Variants in PCDHAC1 observed in about 807,000 individuals in gnomAD.
PCDHAC1 encodes the protein protocadherin alpha-C1.
Under a neutral mutation model 60.0 loss-of-function variants are expected in PCDHAC1, and 42 were observed. The ratio of observed to expected loss-of-function variants is 0.70; its 90% CI spans 0.55 to 0.90. The LOEUF (loss-of-function observed/expected upper bound fraction) is 0.90. Ranked by LOEUF, PCDHAC1 falls within the 40% of genes least tolerant of loss-of-function variation. The probability of loss-of-function intolerance (pLI) is 0.00; values close to 1 mark genes in which losing one functional copy is unlikely to be tolerated. For synonymous variants in PCDHAC1, 468 were observed against 499.3 expected, an observed-to-expected ratio of 0.94 and a Z score of 0.84; for missense variants, 1,160 against 1,222.3, an observed-to-expected ratio of 0.95 and a Z score of 0.76.
rs782212623 is a variant in PCDHAC1 at position 140,927,250 on chromosome 5, A to G, written c.358A>G (p.Asn120Asp). The change falls in exon 1 of 4, where the codon AAC becomes GAC. Residue 120 changes from asparagine (N) to aspartate (D), a missense_variant. This residue lies in a region of PCDHAC1 where 1,113 missense variants were observed against 1,163.7 expected (regional missense o/e 0.96). Coordinates refer to ENST00000253807, the MANE Select transcript of PCDHAC1 (RefSeq NM_018898.5). ...GATTCACGTCCTGGACACCAATGACAACTCACCTCTCTTTCCTGCCGGCGA... is the reference window on the plus strand; with the variant it reads ...GATTCACGTCCTGGACACCAATGACGACTCACCTCTCTTTCCTGCCGGCGA... The part of the protein sequence containing the change: ...IRIHVLDTND[N>D]SPLFPAGDVQ... 1.9e-6 allele frequency: 3 copies of G among 1,614,046 alleles called. 1 individual carries two copies. The highest frequency in any genetic ancestry group is 2.5e-6 in the Non-Finnish European group (3 of 1,180,004).
rs79336587 is a variant in PCDHAC1 at position 140,997,550 on chromosome 5, C to T, written c.2582-12077C>T. Reference sequence around the variant, plus strand: ...ATAAAAATACATTATTATAATCTTACAGGACAACTGTCATATGTGTGGTCC... The same window carrying T: ...ATAAAAATACATTATTATAATCTTATAGGACAACTGTCATATGTGTGGTCC... On this transcript the variant is annotated intron_variant, in intron 3 of 3. Coordinates refer to ENST00000253807, the MANE Select transcript of PCDHAC1 (RefSeq NM_018898.5). Among the ~76,000 whole-genome samples, 1,283 of 152,208 alleles carry T rather than the reference C, an allele frequency of 8.4e-3. 21 individuals carry two copies. The highest frequency in any genetic ancestry group is 0.029 in the African/African-American group (1,211 of 41,522).
rs1554206582 is a variant in PCDHAC1 at position 140,929,014 on chromosome 5, C to T, written c.2122C>T (p.His708Tyr). The T allele has an allele frequency of 3.1e-6, 5 of 1,614,110 alleles. No individual in the cohort carries two copies. The highest frequency in any genetic ancestry group is 4.2e-6 in the Non-Finnish European group (5 of 1,180,022). ...CLLFFVCTKL[H>Y]QSPGCCAQSC... is the part of the protein sequence containing the mutation. ...ACTTTTCTTCGTGTGTACCAAGTTG[C>T]ACCAGAGCCCAGGCTGTTGCGCTCA... Residue 708 changes from histidine to tyrosine, a missense_variant, in exon 1 of 4, where the codon CAC becomes TAC. Physicochemically the swap from His to Tyr is moderately conservative, Grantham distance 83. Around this residue, in one of 3 missense-constraint regions of PCDHAC1, gnomAD observed 1,113 missense variants for 1,163.7 expected, o/e 0.96. Coordinates refer to ENST00000253807, the MANE Select transcript of PCDHAC1 (RefSeq NM_018898.5).
At chr5:140,982,694 A>G in intron 3 of PCDHAC1, 131 bp downstream of exon 3, 1 of 1,402,998 alleles carries the variant, frequency 7.1e-7, no homozygotes, top group Non-Finnish European at 9.4e-7. Flanking sequence ...TTCCATACAT[A>G]CATGATTTCC....
intron 1 of PCDHAC1, among the ~76,000 whole-genome samples, chr5:140,958,131 G>A (rs1164407997): frequency 3.9e-5 from 6 of 152,076 alleles, no homozygotes; most frequent in African/African-American, 1.4e-4. Context: ...AAATGTATCA[G>A]TGTGTATATT....
At chr5:140,936,630 T>C (rs1309907947) in intron 1 of PCDHAC1, among the ~76,000 whole-genome samples, 1 of 152,234 alleles carries the variant, frequency 6.6e-6, no homozygotes, top group Non-Finnish European at 1.5e-5. Context: ...GCTACCTTTG[T>C]CATAAGCAAC....
At chr5:140,937,839 A>G (rs2091791639) in intron 1 of PCDHAC1, among the ~76,000 whole-genome samples, 1 of 150,456 alleles carries the variant, frequency 6.6e-6, no homozygotes, top group Non-Finnish European at 1.5e-5. Flanking sequence ...ATGAACCTGG[A>G]AGGCGGAACT....
At chr5:140,943,278 G>A (rs246067) in intron 1 of PCDHAC1, among the ~76,000 whole-genome samples, 37,737 of 121,894 alleles carry the variant, frequency 0.31, 6,744 homozygotes, top group East Asian at 0.43. Flanking sequence ...AAAAAAAAAA[G>A]AAAGAAAGAA....
At chr5:141,005,478 C>T (rs1021420332) in intron 3 of PCDHAC1, among the ~76,000 whole-genome samples, 8 of 151,550 alleles carry the variant, frequency 5.3e-5, no homozygotes, top group East Asian at 3.9e-4. Context: ...CCGAGACGGG[C>T]GGATCATGAG....
intron 1 of PCDHAC1, among the ~76,000 whole-genome samples, chr5:140,949,671 G>A (rs1316716969): frequency 6.6e-6 from 1 of 151,584 alleles, no homozygotes. Context: ...TTTAAAGTAT[G>A]CCCTTGTTGA....
intron 1 of PCDHAC1, chr5:140,929,696 A>G (rs955159626): frequency 2.6e-5 from 7 of 266,458 alleles, no homozygotes; most frequent in African/African-American, 1.3e-4. Flanking sequence ...TCTGCTTTAT[A>G]TGAATATAAT....
At chr5:140,957,109 T>C (rs2095334016) in intron 1 of PCDHAC1, among the ~76,000 whole-genome samples, 1 of 152,174 alleles carries the variant, frequency 6.6e-6, no homozygotes, top group Non-Finnish European at 1.5e-5. Context: ...ATGGACATGA[T>C]TCTGTGTGTT....
At chr5:141,008,502 G>A (rs539439181) in intron 3 of PCDHAC1, among the ~76,000 whole-genome samples, 2 of 152,110 alleles carry the variant, frequency 1.3e-5, no homozygotes, top group South Asian at 4.2e-4. Context: ...TATACTTTAT[G>A]GTGTGTCTTC....
intron 3 of PCDHAC1, among the ~76,000 whole-genome samples, chr5:140,995,413 C>T (rs1554254672): frequency 6.6e-6 from 1 of 152,176 alleles, no homozygotes; most frequent in East Asian, 1.9e-4. Flanking sequence ...GATTTCATCA[C>T]ATTACTCAGA....
chr5:140,949,591 T>A (rs1279124605), intron 1 of PCDHAC1, among the ~76,000 whole-genome samples: 2 of 151,928 alleles, frequency 1.3e-5, no homozygotes, highest in Non-Finnish European at 2.9e-5. Flanking sequence ...GTGATATTAA[T>A]GTGGCCATTC....
Position 140,927,948 on chromosome 5 carries a change from C to G in PCDHAC1, c.1056C>G (p.Asp352Glu). Residue 352 changes from aspartate (D) to glutamate (E), a missense_variant, in exon 1 of 4, where the codon GAC becomes GAG. Asp to Glu is a conservative substitution (Grantham distance 45, BLOSUM62 2). Coordinates refer to ENST00000253807, the MANE Select transcript of PCDHAC1 (RefSeq NM_018898.5). ...FLTLSNPVPE[D>E]AAPGTVIALF... ...CTCTTTCGAACCCAGTACCTGAGGA[C>G]GCTGCCCCTGGCACAGTGATTGCTC... The G allele has an allele frequency of 2.5e-6, 4 of 1,614,190 alleles. No individual in the cohort carries two copies. The highest frequency in any genetic ancestry group is 3.4e-6 in the Non-Finnish European group (4 of 1,180,030).
At chr5:140,945,366 T>A (rs1367581632) in intron 1 of PCDHAC1, among the ~76,000 whole-genome samples, 6 of 152,036 alleles carry the variant, frequency 3.9e-5, no homozygotes, top group Non-Finnish European at 8.8e-5. Context: ...GTTTAAAATG[T>A]CCATATTACC....
intron 1 of PCDHAC1, among the ~76,000 whole-genome samples, chr5:140,958,318 CA>C (rs2095417948): frequency 6.6e-6 from 1 of 151,816 alleles, no homozygotes; most frequent in Non-Finnish European, 1.5e-5. Flanking sequence ...AATTAGAGCT[CA>C]AAAAATAAAT....
At position 140,929,227 on chromosome 5, in the gene PCDHAC1, G is replaced by A. The variant is rs141300036; in HGVS notation, c.2335G>A (p.Asp779Asn). 10 of 1,613,774 alleles carry A rather than the reference G, an allele frequency of 6.2e-6. No homozygotes were observed. The highest frequency in any genetic ancestry group is 5.0e-5 in the Admixed American group (3 of 59,974). The change falls in exon 1 of 4, where the codon GAC (aspartate) becomes AAC (asparagine). Residue 779 changes from aspartate (D) to asparagine (N), a missense_variant. Coordinates refer to ENST00000253807, the MANE Select transcript of PCDHAC1 (RefSeq NM_018898.5). ...GTTGCGTGGGGAGTACAATGCTGCC[G>A]ACCTGCGAAATCTTGCCACTGGGGT... ...LLLRGEYNAA[D>N]LRNLATGVGL... is the part of the protein sequence containing the mutation.
chr5:140,997,664 C>A (rs2097778003), intron 3 of PCDHAC1, among the ~76,000 whole-genome samples: 1 of 142,906 alleles, frequency 7.0e-6, no homozygotes, highest in African/African-American at 2.5e-5. Context: ...TATTATTATA[C>A]AGCTTGTGTG....
Sources: allele counts gnomAD v4.1 joint callset (sites outside exome capture counted in the v4.1 genomes callset), GRCh38; gene constraint gnomAD v4.1.1; regional missense constraint gnomAD v4.1.1; transcripts MANE v1.5; gene names NCBI Gene and HGNC (gene_info 2026-07-23, HGNC 2026-07-21).